The following FRMD4A variants were observed in gnomAD, a reference collection of about 807,000 sequenced individuals.
FRMD4A encodes the protein FERM domain containing 4A.
In FRMD4A, 29 loss-of-function variants were observed where a neutral mutation model predicts 129.1. The observed-to-expected ratio is 0.22, with a 90% CI of 0.17 to 0.31. The LOEUF is 0.31. Among genes scored for constraint, FRMD4A ranks in the 10% least tolerant of loss-of-function variants. The pLI is 1.00. For synonymous variants in FRMD4A, 634 were observed against 571.6 expected, an observed-to-expected ratio of 1.11 and a Z score of -1.56; for missense variants, 1,272 against 1,375.8, an observed-to-expected ratio of 0.92 and a Z score of 1.19.
At chr10:13,901,378 G>A (rs1589218143) in intron 2 of FRMD4A, among the ~76,000 whole-genome samples, 3 of 152,296 alleles carry the variant, frequency 2.0e-5, no homozygotes, top group Admixed American at 2.0e-4. Flanking sequence ...CAGGGCAGGT[G>A]GATCTGCCTT....
intron 2 of FRMD4A, among the ~76,000 whole-genome samples, chr10:14,250,735 C>T (rs1238893): frequency 0.58 from 87,716 of 151,906 alleles, 26,973 homozygotes; most frequent in African/African-American, 0.8. Flanking sequence ...TTTCCTACCC[C>T]CAGGGAGTCC....
intron 2 of FRMD4A, among the ~76,000 whole-genome samples, chr10:14,177,357 G>A (rs753540850): frequency 2.0e-5 from 3 of 151,928 alleles, no homozygotes; most frequent in African/African-American, 4.8e-5. Flanking sequence ...ATTTTCAGTA[G>A]AGATGGGGTT....
At chr10:14,260,976 A>G (rs1844781295) in intron 2 of FRMD4A, among the ~76,000 whole-genome samples, 1 of 152,130 alleles carries the variant, frequency 6.6e-6, no homozygotes, top group Non-Finnish European at 1.5e-5. Flanking sequence ...CTCTGGTAAA[A>G]TGAGTGTGTG....
intron 2 of FRMD4A, among the ~76,000 whole-genome samples, chr10:14,080,228 C>T (rs1253769193): frequency 6.6e-6 from 1 of 152,198 alleles, no homozygotes; most frequent in Non-Finnish European, 1.5e-5. Context: ...AGCCTGCCCC[C>T]TACCCTGCAG....
intron 2 of FRMD4A, among the ~76,000 whole-genome samples, chr10:13,953,818 G>A (rs1397249277): frequency 1.3e-5 from 2 of 152,086 alleles, no homozygotes; most frequent in African/African-American, 4.8e-5. Context: ...GGTACTATTC[G>A]AGGTTTCAGG....
chr10:14,110,129 A>AAAAAAAAAAAAAAAAG (rs1837819497), intron 2 of FRMD4A, among the ~76,000 whole-genome samples: 1 of 149,168 alleles, frequency 6.7e-6, no homozygotes, highest in African/African-American at 2.5e-5. Flanking sequence ...ATGCTGTAAA[A>AAAAAAAAAAAAAAAAG]AAAAAAAAAA....
chr10:13,718,481 G>A (rs964602173), intron 12 of FRMD4A, among the ~76,000 whole-genome samples: 20 of 152,248 alleles, frequency 1.3e-4, no homozygotes, highest in African/African-American at 4.8e-4. Context: ...TGCAGCTGGG[G>A]CCTTTCTCTC....
At chr10:13,950,403 A>C (rs2095363067) in intron 2 of FRMD4A, among the ~76,000 whole-genome samples, 1 of 152,250 alleles carries the variant, frequency 6.6e-6, no homozygotes, top group Non-Finnish European at 1.5e-5. Context: ...CAACTAATTT[A>C]ACACTGTGTT....
chr10:13,669,356 C>T (rs1270457157), intron 17 of FRMD4A, among the ~76,000 whole-genome samples: 1 of 152,172 alleles, frequency 6.6e-6, no homozygotes, highest in African/African-American at 2.4e-5. Flanking sequence ...AGGCGTGGGC[C>T]ACCACGCCCG....
chr10:13,796,230 G>A (rs2093114980), intron 5 of FRMD4A, among the ~76,000 whole-genome samples: 1 of 152,190 alleles, frequency 6.6e-6, no homozygotes, highest in Non-Finnish European at 1.5e-5. Flanking sequence ...CTCCCCAAAA[G>A]TGCAGAAAAA....
chr10:13,938,278 G>A (rs1415570297), intron 2 of FRMD4A, among the ~76,000 whole-genome samples: 1 of 152,042 alleles, frequency 6.6e-6, no homozygotes, highest in East Asian at 1.9e-4. Context: ...GTCTTGTTCT[G>A]TTGCCCAGGC....
intron 18 of FRMD4A, among the ~76,000 whole-genome samples, chr10:13,665,251 T>A (rs1015726751): frequency 6.6e-6 from 1 of 152,040 alleles, no homozygotes; most frequent in Non-Finnish European, 1.5e-5. Flanking sequence ...CCACCATCCA[T>A]CTTCTGTTTG....
intron 2 of FRMD4A, among the ~76,000 whole-genome samples, chr10:14,205,057 CTTTCTTTT>C (rs1842742323): frequency 1.7e-5 from 2 of 118,964 alleles, no homozygotes; most frequent in Non-Finnish European, 1.7e-5. Flanking sequence ...TTTTTCTTTT[CTTTCTTTT>C]TTTTTTTTTT....
At chr10:14,313,584 A>G (rs1846633379) in intron 2 of FRMD4A, among the ~76,000 whole-genome samples, 1 of 151,954 alleles carries the variant, frequency 6.6e-6, no homozygotes, top group South Asian at 2.1e-4. Flanking sequence ...CTTTTTGATC[A>G]TTAGATTCCA....
intron 2 of FRMD4A, among the ~76,000 whole-genome samples, chr10:14,264,887 C>T (rs1218338): frequency 0.32 from 48,205 of 151,980 alleles, 9,249 homozygotes; most frequent in African/African-American, 0.55. Context: ...GTTCCAGCGA[C>T]TCTCCTGCTT....
intron 2 of FRMD4A, among the ~76,000 whole-genome samples, chr10:14,322,338 C>A (rs1267502226): frequency 6.6e-6 from 1 of 152,130 alleles, no homozygotes; most frequent in Non-Finnish European, 1.5e-5. Flanking sequence ...GCACCACCAC[C>A]AACTAAGGTT....
At chr10:13,961,216 A>C (rs2095444003) in intron 2 of FRMD4A, among the ~76,000 whole-genome samples, 1 of 152,200 alleles carries the variant, frequency 6.6e-6, no homozygotes, top group African/African-American at 2.4e-5. Flanking sequence ...GAGAAAGACA[A>C]CCCCATATCC....
At chr10:13,867,804 TA>T (rs1211982741) in intron 2 of FRMD4A, among the ~76,000 whole-genome samples, 2 of 134,428 alleles carry the variant, frequency 1.5e-5, no homozygotes, top group African/African-American at 2.8e-5. Flanking sequence ...TAATATATAA[TA>T]AATAATACAT....
chr10:14,067,697 G>C (rs1432956009), intron 2 of FRMD4A, among the ~76,000 whole-genome samples: 1 of 151,510 alleles, frequency 6.6e-6, no homozygotes, highest in Non-Finnish European at 1.5e-5. Flanking sequence ...CATGCCCGTA[G>C]TCCCAGCTAC....
Sources: allele counts gnomAD v4.1 joint callset (sites outside exome capture counted in the v4.1 genomes callset), GRCh38; gene constraint gnomAD v4.1.1; transcripts MANE v1.5; gene names NCBI Gene and HGNC (gene_info 2026-07-23, HGNC 2026-07-21).